The following RASEF variants were observed in gnomAD, a reference collection of about 807,000 sequenced individuals.
The protein encoded by RASEF is ras and EF-hand domain-containing protein.
In RASEF, 68 loss-of-function variants were observed where a neutral mutation model predicts 90.1. The ratio of observed to expected loss-of-function variants is 0.75; its 90% CI spans 0.62 to 0.92. RASEF has a LOEUF of 0.92. RASEF is among the 40% of genes least tolerant of loss of function. The pLI, the probability that RASEF is intolerant of heterozygous loss-of-function variation, is 0.00. For synonymous variants in RASEF, 331 were observed against 345.2 expected (o/e 0.96, Z 0.46); for missense variants, 949 against 937.2 (o/e 1.01, Z -0.16).
chr9:83,058,318 G>A (rs1830139183), intron 1 of RASEF, among the ~76,000 whole-genome samples: 3 of 150,082 alleles, frequency 2.0e-5, no homozygotes, highest in Admixed American at 6.6e-5. Flanking sequence ...GAGTAGCTGG[G>A]ACTACAGGTG....
the RASEF span, among the ~76,000 whole-genome samples, chr9:83,071,341 T>C: frequency 6.6e-5 from 10 of 152,240 alleles, no homozygotes; most frequent in Admixed American, 6.5e-5. Flanking sequence ...GTGGATTTTG[T>C]ATTTTGTTAG....
intron 4 of RASEF, among the ~76,000 whole-genome samples, chr9:83,015,538 G>A (rs1829328390): frequency 6.6e-6 from 1 of 152,044 alleles, no homozygotes; most frequent in Non-Finnish European, 1.5e-5. Context: ...AAATTAGCTG[G>A]GCATGGTGGT....
intron 16 of RASEF, 107 bp downstream of exon 16, chr9:82,990,284 T>C: frequency 1.4e-6 from 1 of 735,224 alleles, no homozygotes; most frequent in South Asian, 1.8e-5. Flanking sequence ...GACTGACAGA[T>C]AAGAGAGTGT....
rs183421255 is a variant in RASEF, at chr9:83,021,204, C to G, written c.669+1132G>C. 2.0e-4 allele frequency among the ~76,000 whole-genome samples: 31 copies of G among 152,234 alleles called. No individual in the cohort carries two copies. In the East Asian group the frequency reaches 5.0e-3, roughly 25 times the overall value. On this transcript the variant is annotated intron_variant, in intron 3 of 16. Transcript: ENST00000376447. Reference sequence around the variant, plus strand: ...CTTTATATAGATCATCATGTCTAACCCCTGTGAAGGCAGGTAGGTTGCATT... The same window carrying G: ...CTTTATATAGATCATCATGTCTAACGCCTGTGAAGGCAGGTAGGTTGCATT...
chr9:83,091,265 G>A, the RASEF span, among the ~76,000 whole-genome samples: 1 of 152,124 alleles, frequency 6.6e-6, no homozygotes, highest in African/African-American at 2.4e-5. Context: ...AGTCCTTATG[G>A]ACATCTAGCC....
intron 15 of RASEF, 34 bp from the exon 16 acceptor site, chr9:82,990,501 C>G: frequency 2.7e-6 from 4 of 1,463,558 alleles, no homozygotes; most frequent in Non-Finnish European, 3.8e-6. Context: ...TTAAATGAAG[C>G]CCTTCATTGA....
chr9:83,186,366 G>T, the RASEF span, among the ~76,000 whole-genome samples: 1 of 152,106 alleles, frequency 6.6e-6, no homozygotes, highest in Admixed American at 6.6e-5. Context: ...CTTCCAGATT[G>T]ATCTTTCCAA....
the RASEF span, among the ~76,000 whole-genome samples, chr9:83,144,615 G>A: frequency 1.3e-5 from 2 of 152,092 alleles, no homozygotes; most frequent in African/African-American, 4.8e-5. Context: ...TGGAACAAAT[G>A]TGTAGGTTGA....
At chr9:83,035,411 G>A (rs1829722168) in intron 1 of RASEF, among the ~76,000 whole-genome samples, 1 of 152,182 alleles carries the variant, frequency 6.6e-6, no homozygotes, top group African/African-American at 2.4e-5. Flanking sequence ...GCATAGCAAT[G>A]TGCATGGGGC....
the RASEF span, chr9:83,202,193 TTAAC>T: frequency 2.0e-5 from 3 of 152,494 alleles, no homozygotes; most frequent in African/African-American, 7.2e-5. Flanking sequence ...CAAAGCCTTA[TTAAC>T]TATTATTTAA....
chr9:83,164,409 T>C, the RASEF span, among the ~76,000 whole-genome samples: 2 of 145,996 alleles, frequency 1.4e-5, no homozygotes, highest in Admixed American at 6.9e-5. Flanking sequence ...AGCAATGATA[T>C]AAGGGATGGG....
At chr9:82,990,055 C>A (rs571473819) in intron 16 of RASEF, among the ~76,000 whole-genome samples, 2 of 152,136 alleles carry the variant, frequency 1.3e-5, no homozygotes, top group Non-Finnish European at 2.9e-5. Flanking sequence ...GGGAAAATAT[C>A]ATAATAGACA....
At chr9:83,169,079 G>C in the RASEF span, among the ~76,000 whole-genome samples, 1 of 151,626 alleles carries the variant, frequency 6.6e-6, no homozygotes, top group East Asian at 1.9e-4. Flanking sequence ...ATGTGAGTGA[G>C]AGATCATTTT....
chr9:83,161,088 G>A, the RASEF span, among the ~76,000 whole-genome samples: 2 of 152,204 alleles, frequency 1.3e-5, no homozygotes, highest in Non-Finnish European at 2.9e-5. Flanking sequence ...GAAGGGAAAT[G>A]TGGGGTCTGA....
At chr9:83,092,091 A>G in the RASEF span, among the ~76,000 whole-genome samples, 1 of 139,174 alleles carries the variant, frequency 7.2e-6, no homozygotes, top group African/African-American at 2.7e-5. Context: ...AGAGTTCTGA[A>G]AAAAGTTGAT....
chr9:83,015,214 T>G (rs1007560219), intron 4 of RASEF, among the ~76,000 whole-genome samples: 1 of 152,154 alleles, frequency 6.6e-6, no homozygotes, highest in African/African-American at 2.4e-5. Context: ...AAAACAGTCA[T>G]GAAGCATGCA....
chr9:83,126,623 G>A, the RASEF span, among the ~76,000 whole-genome samples: 3 of 152,248 alleles, frequency 2.0e-5, no homozygotes, highest in East Asian at 5.8e-4. Flanking sequence ...TAAAGTTGGT[G>A]CATTATCTAC....
At chr9:83,122,284 G>GTTAA in the RASEF span, among the ~76,000 whole-genome samples, 1 of 152,166 alleles carries the variant, frequency 6.6e-6, no homozygotes, top group African/African-American at 2.4e-5. Flanking sequence ...CTCCTGTGTG[G>GTTAA]TTAAAACCAA....
At chr9:82,999,608 C>G (rs76028673) in intron 12 of RASEF, among the ~76,000 whole-genome samples, 1 of 144,222 alleles carries the variant, frequency 6.9e-6, no homozygotes, top group Non-Finnish European at 1.5e-5. Context: ...AGATATCTCT[C>G]TTTTTTTTTT....
Sources: gnomAD v4.1 joint callset for allele counts (sites outside exome capture counted in the v4.1 genomes callset) on GRCh38, gnomAD v4.1.1 for gene constraint, MANE v1.5 for transcripts, NCBI Gene and HGNC (gene_info 2026-07-23, HGNC 2026-07-21) for gene names.